The following DEFB121 variants were observed in gnomAD, a reference collection of about 807,000 sequenced individuals.
DEFB121 encodes beta-defensin 121.
DEFB121 carries 5 observed loss-of-function variants against 2.5 expected under a neutral mutation model. The ratio of observed to expected loss-of-function variants is 1.96; its 90% CI spans 1.03 to 4.13. The LOEUF (loss-of-function observed/expected upper bound fraction) is 4.13, where lower values mean the gene tolerates loss of function less well. Among genes scored for constraint, DEFB121 ranks in the 30% most tolerant of loss-of-function variants. DEFB121 has a pLI of 0.00. For missense variants in DEFB121, 87 were observed against 85.0 expected, an observed-to-expected ratio of 1.02 and a Z score of -0.09; for synonymous variants, 39 against 32.6, an observed-to-expected ratio of 1.20 and a Z score of -0.67.
chr20:31,418,275 A>G, the DEFB121 span, among the ~76,000 whole-genome samples: 2 of 149,696 alleles, frequency 1.3e-5, no homozygotes, highest in South Asian at 2.1e-4. Flanking sequence ...AAAAAAAAAA[A>G]AAAAAAAGAA....
At chr20:31,405,921 G>A (rs1273062727) in intron 1 of DEFB121, among the ~76,000 whole-genome samples, 174 bp downstream of exon 1, 1 of 152,038 alleles carries the variant, frequency 6.6e-6, no homozygotes, top group African/African-American at 2.4e-5. Flanking sequence ...TGGGCACTGG[G>A]AAGACCATTT....
At chr20:31,413,316 T>C (rs1218114054), upstream of DEFB121, among the ~76,000 whole-genome samples, 2 of 152,196 alleles carry the variant, frequency 1.3e-5, no homozygotes, top group African/African-American at 4.8e-5. Context: ...CAAGAAATGT[T>C]TTCTAAATAA....
intron 1 of DEFB121, among the ~76,000 whole-genome samples, chr20:31,412,316 G>A (rs2076373): frequency 0.67 from 101,181 of 152,012 alleles, 34,292 homozygotes; most frequent in East Asian, 0.74. Flanking sequence ...TTTATTTGAA[G>A]TGACGTTTGA....
chr20:31,412,692 T>C (rs1330704907), exon 1 of DEFB121: 6 of 1,289,250 alleles, frequency 4.7e-6, no homozygotes, highest in Non-Finnish European at 6.1e-6. Context: ...CTTTTCATTG[T>C]CAACACAGTC....
Position 31,404,989 on chromosome 20 carries a change from A to G in DEFB121, c.155T>C (p.Val52Ala). 6.2e-7 allele frequency: 1 copy of G among 1,614,118 alleles called. No individual in the cohort carries two copies. Among genetic ancestry groups the G allele is most frequent in the East Asian group, 2.2e-5 (1 of 44,892 alleles). ...ILCKTEAKCC[V>A]DPKYVPVKPK... ...TTTTACAGGTACATACTTGGGATCC[A>G]CACAGCACTTAGCCTCAGTTTTGCA... The change falls in exon 2 of 2, where the codon GTG becomes GCG. Residue 52 changes from valine (V) to alanine (A), a missense_variant. Coordinates refer to ENST00000376314, the MANE Select transcript of DEFB121 (RefSeq NM_001011878.3).
chr20:31,416,736 C>T (rs143990179), upstream of DEFB121, among the ~76,000 whole-genome samples: 24 of 152,312 alleles, frequency 1.6e-4, no homozygotes, highest in Middle Eastern at 0.014. Context: ...TAACATCTAC[C>T]TATTATTCCT....
chr20:31,410,194 A>C (rs1196105008), upstream of DEFB121, among the ~76,000 whole-genome samples: 1 of 152,224 alleles, frequency 6.6e-6, no homozygotes, highest in East Asian at 1.9e-4. Context: ...AAAGAAGGAA[A>C]TCACATCCTT....
At chr20:31,411,622 G>A (rs1474631310) in intron 1 of DEFB121, among the ~76,000 whole-genome samples, 1 of 151,650 alleles carries the variant, frequency 6.6e-6, no homozygotes, top group Non-Finnish European at 1.5e-5. Context: ...GTTTTCCAAA[G>A]ATTACAGAAC....
At chr20:31,412,292 GC>G (rs1204876466) in intron 1 of DEFB121, among the ~76,000 whole-genome samples, 1 of 152,138 alleles carries the variant, frequency 6.6e-6, no homozygotes, top group Non-Finnish European at 1.5e-5. Context: ...GATATGTTGG[GC>G]TTTTTTCTTT....
At chr20:31,406,228 C>A (rs1037232158), upstream of DEFB121, 7 of 1,595,032 alleles carry the variant, frequency 4.4e-6, no homozygotes, top group Non-Finnish European at 5.1e-6. Context: ...TCTGGGCAGT[C>A]CAGACTGGTA....
At chr20:31,416,373 T>C (rs930092939), upstream of DEFB121, among the ~76,000 whole-genome samples, 5 of 152,238 alleles carry the variant, frequency 3.3e-5, no homozygotes, top group South Asian at 2.1e-4. Flanking sequence ...CTTCGCACTT[T>C]AAACTGAGCA....
chr20:31,412,758 A>C, exon 1 of DEFB121: 1 of 1,055,594 alleles, frequency 9.5e-7, no homozygotes, highest in Non-Finnish European at 1.3e-6. Context: ...CTCTCTGCTC[A>C]CCGTGATCTT....
At chr20:31,410,617 C>T (rs1978632966), upstream of DEFB121, among the ~76,000 whole-genome samples, 1 of 152,068 alleles carries the variant, frequency 6.6e-6, no homozygotes, top group Non-Finnish European at 1.5e-5. Context: ...AAATAAAGTG[C>T]TATATTGACA....
upstream of DEFB121, among the ~76,000 whole-genome samples, chr20:31,408,906 AC>A (rs966758097): frequency 6.6e-6 from 1 of 151,812 alleles, no homozygotes; most frequent in African/African-American, 2.4e-5. Context: ...AGCAACTGTA[AC>A]CCCAGCTACT....
the DEFB121 span, among the ~76,000 whole-genome samples, chr20:31,418,276 A>AAAAAAAG: frequency 4.0e-5 from 6 of 149,714 alleles, no homozygotes; most frequent in South Asian, 4.2e-4. Context: ...AAAAAAAAAA[A>AAAAAAAG]AAAAAAGAAA....
At chr20:31,417,141 T>G (rs1978829493), upstream of DEFB121, among the ~76,000 whole-genome samples, 1 of 151,600 alleles carries the variant, frequency 6.6e-6, no homozygotes, top group Non-Finnish European at 1.5e-5. Flanking sequence ...AGGTCAGGAG[T>G]TCAAGACCAG....
At chr20:31,406,881 C>T (rs764393914), upstream of DEFB121, among the ~76,000 whole-genome samples, 1 of 152,002 alleles carries the variant, frequency 6.6e-6, no homozygotes, top group African/African-American at 2.4e-5. Flanking sequence ...CTCACTGGAA[C>T]CTCGAATTCC....
chr20:31,406,473 A>C (rs1048119457), upstream of DEFB121, among the ~76,000 whole-genome samples: 3 of 152,210 alleles, frequency 2.0e-5, no homozygotes, highest in South Asian at 4.1e-4. Context: ...GTTTTTCATT[A>C]ATGAGAAAAA....
chr20:31,412,070 T>A (rs1978679623), intron 1 of DEFB121, among the ~76,000 whole-genome samples: 2 of 152,222 alleles, frequency 1.3e-5, no homozygotes, highest in African/African-American at 4.8e-5. Flanking sequence ...TCCACCCACT[T>A]CTGGTTAGTT....
Sources: allele counts gnomAD v4.1 joint callset (sites outside exome capture counted in the v4.1 genomes callset), GRCh38; gene constraint gnomAD v4.1.1; transcripts MANE v1.5; gene names NCBI Gene and HGNC (gene_info 2026-07-23, HGNC 2026-07-21).